BABAM2: variants seen among roughly 807,000 people sequenced by gnomAD.
BABAM2 encodes BRISC and BRCA1-A complex member 2.
In BABAM2, 31 loss-of-function variants were observed where a neutral mutation model predicts 54.7. The ratio of observed to expected loss-of-function variants is 0.57; its 90% CI spans 0.43 to 0.77. The LOEUF (loss-of-function observed/expected upper bound fraction) is 0.77, where lower values mean the gene tolerates loss of function less well. BABAM2 is among the 30% of genes least tolerant of loss of function. The pLI, the probability that BABAM2 is intolerant of heterozygous loss-of-function variation, is 0.00. For missense variants in BABAM2, 364 were observed against 455.8 expected (o/e 0.80, Z 1.83); for synonymous variants, 167 against 162.9 (o/e 1.03, Z -0.19).
chr2:28,085,958 A>T (rs1665602709), intron 6 of BABAM2, among the ~76,000 whole-genome samples: 1 of 152,160 alleles, frequency 6.6e-6, no homozygotes, highest in Non-Finnish European at 1.5e-5. Context: ...TAAAGGTTTC[A>T]TTGAATTATA....
intron 7 of BABAM2, among the ~76,000 whole-genome samples, chr2:28,184,588 T>C (rs1303338790): frequency 1.3e-5 from 2 of 151,658 alleles, no homozygotes; most frequent in Non-Finnish European, 2.9e-5. Flanking sequence ...GTTTGGTTTT[T>C]TGTCCTTGCG....
In BABAM2 at chr2:28,025,335, G is replaced by C. The variant is rs763471828; in HGVS notation, c.410G>C (p.Arg137Pro). ...TGTAGCCGCCTCCGGGAGAGCTCCCGCCTCATGTTTGAATACCAGACATTA... is the reference window on the plus strand; with the variant it reads ...TGTAGCCGCCTCCGGGAGAGCTCCCCCCTCATGTTTGAATACCAGACATTA... Reference protein sequence around the residue: ...FQCSRLRESSRLMFEYQTLLE... With the variant: ...FQCSRLRESSPLMFEYQTLLE... Residue 137 changes from arginine to proline, a missense_variant, in exon 5 of 12, where the codon CGC (arginine) becomes CCC (proline). Coordinates refer to ENST00000379624, the MANE Select transcript of BABAM2 (RefSeq NM_199191.3). 4 of 1,612,960 alleles carry C rather than the reference G, an allele frequency of 2.5e-6. No individual in the cohort carries two copies. Among genetic ancestry groups the C allele is most frequent in the Non-Finnish European group, 3.4e-6 (4 of 1,179,726 alleles).
rs544373460 is a variant in BABAM2, at chr2:28,242,713, T to C, written c.851+1320T>C. Among the ~76,000 whole-genome samples, 6 of 152,284 alleles carry C rather than the reference T, an allele frequency of 3.9e-5. 1 individual carries two copies. In the South Asian group the frequency reaches 8.3e-4, roughly 21 times the overall value. ...TAATTTTCAAACCATGGCACAATTA[T>C]AAGAAAATTTCTGACTCCTCAAACC... On this transcript the variant is annotated intron_variant, in intron 9 of 11. Transcript: ENST00000379624.
intron 2 of BABAM2, among the ~76,000 whole-genome samples, chr2:27,920,654 G>C (rs1320243620): frequency 6.6e-6 from 1 of 152,050 alleles, no homozygotes; most frequent in African/African-American, 2.4e-5. Flanking sequence ...AATATTGTTG[G>C]TTTAGCACAA....
chr2:28,066,575 G>A (rs560659821), intron 6 of BABAM2, among the ~76,000 whole-genome samples: 117 of 152,220 alleles, frequency 7.7e-4, no homozygotes, highest in Non-Finnish European at 1.3e-3. Flanking sequence ...TTCCAGCTCA[G>A]TGTCTCTCAA....
chr2:28,097,240 T>C (rs139330433), intron 6 of BABAM2, among the ~76,000 whole-genome samples: 4 of 152,194 alleles, frequency 2.6e-5, no homozygotes, highest in African/African-American at 9.6e-5. Context: ...TACCAGAGTA[T>C]GTAGAAAGTG....
At chr2:27,991,250 A>G (rs1258550980) in intron 4 of BABAM2, among the ~76,000 whole-genome samples, 1 of 151,358 alleles carries the variant, frequency 6.6e-6, no homozygotes, top group Non-Finnish European at 1.5e-5. Context: ...CTGAGCTGTT[A>G]CTGGGAACTA....
intron 8 of BABAM2, among the ~76,000 whole-genome samples, chr2:28,237,724 A>G (rs1024109721): frequency 6.6e-6 from 1 of 152,110 alleles, no homozygotes; most frequent in South Asian, 2.1e-4. Flanking sequence ...GTTTAAAACT[A>G]CCTTCATCCC....
chr2:28,193,898 G>A (rs1039106084), intron 7 of BABAM2, among the ~76,000 whole-genome samples: 4 of 152,194 alleles, frequency 2.6e-5, no homozygotes, highest in African/African-American at 9.7e-5. Flanking sequence ...AGACAGATGA[G>A]TCACTGCCTC....
chr2:28,127,943 A>T (rs918628727), intron 6 of BABAM2, among the ~76,000 whole-genome samples: 3 of 151,784 alleles, frequency 2.0e-5, no homozygotes, highest in Non-Finnish European at 4.4e-5. Context: ...AGCAGCTGGG[A>T]CTACAGGTGC....
intron 6 of BABAM2, among the ~76,000 whole-genome samples, chr2:28,107,007 T>C (rs1208662288): frequency 6.6e-6 from 1 of 152,208 alleles, no homozygotes; most frequent in African/African-American, 2.4e-5. Context: ...TGTAACTTCC[T>C]TCTCTGAAAG....
chr2:28,136,112 C>G (rs952209331), intron 7 of BABAM2, among the ~76,000 whole-genome samples: 1 of 152,174 alleles, frequency 6.6e-6, no homozygotes, highest in African/African-American at 2.4e-5. Context: ...TTTGTGATTT[C>G]CCGAACACAT....
intron 3 of BABAM2, among the ~76,000 whole-genome samples, chr2:27,939,375 A>T (rs1668716485): frequency 6.6e-6 from 1 of 152,212 alleles, no homozygotes; most frequent in African/African-American, 2.4e-5. Context: ...GTGTTTATTA[A>T]ATTAAATCTT....
At chr2:28,157,056 T>A (rs937738159) in intron 7 of BABAM2, among the ~76,000 whole-genome samples, 2 of 152,232 alleles carry the variant, frequency 1.3e-5, no homozygotes, top group African/African-American at 4.8e-5. Context: ...GCTCTTTTAT[T>A]TACAGAAAAC....
intron 3 of BABAM2, among the ~76,000 whole-genome samples, chr2:27,959,420 A>T (rs568212299): frequency 6.6e-6 from 1 of 152,316 alleles, no homozygotes; most frequent in East Asian, 1.9e-4. Flanking sequence ...TGACAGGATA[A>T]CTGTGATATA....
At position 28,205,345 on chromosome 2, in the gene BABAM2, C is replaced by CA. The variant is rs543550660; in HGVS notation, c.681-31849dup. ...TAAAACCCCGTCTCTACTAAAAATA[C>CA]AAAAAAAATTAGCTGGGCATGATGG... is the stretch of plus-strand genomic sequence containing the variant. On this transcript the variant is annotated intron_variant, in intron 7 of 11. Transcript: ENST00000379624. Among the ~76,000 whole-genome samples, 180 of 151,502 alleles carry CA rather than the reference C, an allele frequency of 1.2e-3. 1 individual carries two copies. Among genetic ancestry groups the CA allele is most frequent in the African/African-American group, 2.9e-3 (121 of 41,308 alleles).
intron 3 of BABAM2, among the ~76,000 whole-genome samples, chr2:27,953,809 A>T (rs1669912794): frequency 6.6e-6 from 1 of 152,224 alleles, no homozygotes; most frequent in Non-Finnish European, 1.5e-5. Flanking sequence ...GGTGAATGCC[A>T]GAAGATTAAG....
intron 5 of BABAM2, among the ~76,000 whole-genome samples, chr2:28,025,715 A>G (rs993021095): frequency 4.6e-5 from 7 of 152,148 alleles, no homozygotes; most frequent in African/African-American, 1.7e-4. Context: ...CCATGTTGTT[A>G]TGATGTATGT....
chr2:28,174,377 A>G (rs905561474), intron 7 of BABAM2, among the ~76,000 whole-genome samples: 3 of 152,258 alleles, frequency 2.0e-5, no homozygotes, highest in Non-Finnish European at 4.4e-5. Flanking sequence ...CAAGGCTTCA[A>G]GAGGGCTGAC....
Sources: allele counts gnomAD v4.1 joint callset (sites outside exome capture counted in the v4.1 genomes callset), GRCh38; gene constraint gnomAD v4.1.1; transcripts MANE v1.5; gene names NCBI Gene and HGNC (gene_info 2026-07-23, HGNC 2026-07-21).